Variants in DUSP16 observed in about 807,000 individuals in gnomAD.
The protein encoded by DUSP16 is dual specificity phosphatase 16, also known as dual specificity protein phosphatase 16.
Under a neutral mutation model 58.3 loss-of-function variants are expected in DUSP16, and 21 were observed. That is an observed-to-expected ratio of 0.36 (90% CI 0.26 to 0.52). The LOEUF is 0.52. DUSP16 is among the 20% of genes least tolerant of loss of function. DUSP16 has a pLI of 0.94. For missense variants in DUSP16, 726 were observed against 819.0 expected (o/e 0.89, Z 1.39); for synonymous variants, 320 against 323.8 (o/e 0.99, Z 0.12).
chr12:12,490,448 G>C (rs915587386), intron 4 of DUSP16, among the ~76,000 whole-genome samples: 3 of 151,964 alleles, frequency 2.0e-5, no homozygotes, highest in African/African-American at 7.3e-5. Flanking sequence ...ATATAATTTG[G>C]CTACTAAATT....
chr12:12,560,679 C>T (rs1944885457), intron 1 of DUSP16: 1 of 152,166 alleles, frequency 6.6e-6, no homozygotes, highest in African/African-American at 2.4e-5. Context: ...AAGTGGTATC[C>T]ACCAATATAT....
At chr12:12,546,762 T>C (rs1451593269) in intron 1 of DUSP16, among the ~76,000 whole-genome samples, 2 of 152,198 alleles carry the variant, frequency 1.3e-5, no homozygotes, top group African/African-American at 4.8e-5. Context: ...ATTCCTCCTA[T>C]AGTATTGTCA....
chr12:12,493,457 G>T (rs1035749209), intron 4 of DUSP16, among the ~76,000 whole-genome samples: 1 of 152,168 alleles, frequency 6.6e-6, no homozygotes, highest in Non-Finnish European at 1.5e-5. Flanking sequence ...TCCTAACAAT[G>T]TAAGTCAGAT....
At position 12,476,374 on chromosome 12, in the gene DUSP16, C is replaced by G. The variant is rs981746115; in HGVS notation, c.*459G>C. On this transcript the variant is annotated 3_prime_UTR_variant, in exon 7 of 7. Transcript: ENST00000298573. The stretch of plus-strand genomic sequence containing the variant: ...AGGATCATTTCTCTTGGATTTACCA[C>G]TAGGCTCTGTCCCTAACAGGGTCTA... 1 of 154,730 alleles carries G rather than the reference C, an allele frequency of 6.5e-6. No homozygotes were observed. Among genetic ancestry groups the G allele is most frequent in the African/African-American group, 2.4e-5 (1 of 41,462 alleles). The allele number at this position is 154,730 out of a possible 1,614,324, so 9.6% of individuals were successfully genotyped here. A position where few individuals can be genotyped will look rare whatever the true frequency, so the allele number is the denominator to read the frequency against.
chr12:12,487,554 C>G (rs887667933), intron 4 of DUSP16, among the ~76,000 whole-genome samples: 2 of 152,134 alleles, frequency 1.3e-5, no homozygotes, highest in Non-Finnish European at 2.9e-5. Context: ...ACACGGAACA[C>G]GCTGGTTCTC....
At chr12:12,534,876 T>A (rs1316856499) in intron 1 of DUSP16, among the ~76,000 whole-genome samples, 2 of 152,244 alleles carry the variant, frequency 1.3e-5, no homozygotes, top group Non-Finnish European at 2.9e-5. Flanking sequence ...CACACATGGT[T>A]GGTTATACTA....
intron 2 of DUSP16, among the ~76,000 whole-genome samples, 200 bp downstream of exon 2, chr12:12,520,671 T>A (rs1944221089): frequency 6.6e-6 from 1 of 152,214 alleles, no homozygotes. Flanking sequence ...AGCAAGTTAA[T>A]CCTTCATAGT....
rs532882955 is a variant in DUSP16, at chr12:12,488,439, G to A, written c.532-1252C>T. Among the ~76,000 whole-genome samples the A allele has an allele frequency of 1.8e-4, 27 of 152,248 alleles. 1 individual carries two copies. Among genetic ancestry groups the A allele is most frequent in the East Asian group, 7.7e-4 (4 of 5,184 alleles). On this transcript the variant is annotated intron_variant, in intron 4 of 6. Coordinates refer to ENST00000298573, the MANE Select transcript of DUSP16 (RefSeq NM_030640.3). Reference sequence around the variant, plus strand: ...AGTAATGAGTAAGATCTTGGACCGCGTCTTGTTTTTGCACCTTCAGCCCAG... The same window carrying A: ...AGTAATGAGTAAGATCTTGGACCGCATCTTGTTTTTGCACCTTCAGCCCAG...
chr12:12,544,539 A>G (rs1944611583), intron 1 of DUSP16, among the ~76,000 whole-genome samples: 1 of 152,226 alleles, frequency 6.6e-6, no homozygotes, highest in Non-Finnish European at 1.5e-5. Context: ...AGATACAACC[A>G]GTTTTCCACA....
intron 1 of DUSP16, among the ~76,000 whole-genome samples, chr12:12,538,164 G>A (rs1944497934): frequency 6.6e-6 from 1 of 152,124 alleles, no homozygotes; most frequent in South Asian, 2.1e-4. Context: ...CACCACGCCT[G>A]GCTAAAGACA....
chr12:12,559,866 C>T (rs1475214025), intron 1 of DUSP16, among the ~76,000 whole-genome samples: 1 of 152,118 alleles, frequency 6.6e-6, no homozygotes, highest in Non-Finnish European at 1.5e-5. Context: ...TCCCCCCTCC[C>T]ATCTCAGCCT....
intron 3 of DUSP16, among the ~76,000 whole-genome samples, chr12:12,516,993 T>C (rs539001509): frequency 4.1e-4 from 63 of 152,350 alleles, no homozygotes; most frequent in African/African-American, 1.4e-3. Flanking sequence ...ACCATGTAAG[T>C]AGGTCCTCCA....
chr12:12,517,956 C>T (rs79228113), intron 3 of DUSP16, among the ~76,000 whole-genome samples: 9,688 of 152,174 alleles, frequency 0.064, 439 homozygotes, highest in East Asian at 0.18. Context: ...TTCCTTATTG[C>T]CCAGTGAATG....
At chr12:12,490,962 G>A (rs1201214982) in intron 4 of DUSP16, among the ~76,000 whole-genome samples, 2 of 152,020 alleles carry the variant, frequency 1.3e-5, no homozygotes, top group East Asian at 1.9e-4. Flanking sequence ...CCTAAAGTTC[G>A]AGAACAAACA....
rs1943408270 is a variant in DUSP16 at position 12,475,330 on chromosome 12, C to A, written c.*1503G>T. 6.6e-6 allele frequency: 1 copy of A among 150,966 alleles called. No individual in the cohort carries two copies. Among genetic ancestry groups the A allele is most frequent in the Non-Finnish European group, 1.5e-5 (1 of 67,784 alleles). 9.4% of individuals were successfully genotyped at this position (150,966 alleles called of 1,614,324 possible). A position where few individuals can be genotyped will look rare whatever the true frequency, so the allele number is the denominator to read the frequency against. On this transcript the variant is annotated 3_prime_UTR_variant, in exon 7 of 7. Coordinates refer to ENST00000298573, the MANE Select transcript of DUSP16 (RefSeq NM_030640.3). ...GCCAGGAGGATGTTTGAAAGCCAAT[C>A]TGCACTATCACTTGTTCCAGTGACC...
intron 1 of DUSP16, among the ~76,000 whole-genome samples, chr12:12,555,531 ATTTAT>A (rs535320635): frequency 3.7e-4 from 57 of 152,346 alleles, no homozygotes; most frequent in African/African-American, 1.3e-3. Context: ...ATCTTTCCCC[ATTTAT>A]TTTAAGAGAA....
Position 12,536,766 on chromosome 12 carries a change from G to A in DUSP16, c.-365-15303C>T, listed in dbSNP as rs766125609. Among the ~76,000 whole-genome samples the A allele has an allele frequency of 5.4e-5, 8 of 148,226 alleles. No homozygotes were observed. The South Asian group carries it at 6.5e-4, about 12-fold the overall frequency. On this transcript the variant is annotated intron_variant, in intron 1 of 6. Transcript: ENST00000298573. ...CATCTCAAAAAAAAAACGCCGATGC[G>A]GTGGCTCACACCTGTAATCCCAACA...
intron 1 of DUSP16, among the ~76,000 whole-genome samples, chr12:12,527,329 CAAG>C (rs1410994982): frequency 6.6e-6 from 1 of 151,814 alleles, no homozygotes; most frequent in Non-Finnish European, 1.5e-5. Flanking sequence ...TGCAAGCAAA[CAAG>C]AACTCCTTAG....
chr12:12,530,138 T>C (rs1944364152), intron 1 of DUSP16, among the ~76,000 whole-genome samples: 1 of 152,182 alleles, frequency 6.6e-6, no homozygotes, highest in African/African-American at 2.4e-5. Context: ...ACTAACAGTG[T>C]ATAAGGGTTT....
Sources: gnomAD v4.1 joint callset for allele counts (sites outside exome capture counted in the v4.1 genomes callset) on GRCh38, gnomAD v4.1.1 for gene constraint, MANE v1.5 for transcripts, NCBI Gene and HGNC (gene_info 2026-07-23, HGNC 2026-07-21) for gene names.